CDH13: variants seen among roughly 807,000 people sequenced by gnomAD.
CDH13 encodes cadherin 13.
A neutral mutation model predicts 63.8 loss-of-function variants in CDH13; 24 were observed. That is an observed-to-expected ratio of 0.38 (90% CI 0.27 to 0.53). The LOEUF (loss-of-function observed/expected upper bound fraction) is 0.53. Ranked by LOEUF, CDH13 falls within the 20% of genes least tolerant of loss-of-function variation. The pLI, the probability that CDH13 is intolerant of heterozygous loss-of-function variation, is 0.85. For missense variants in CDH13, 1,049 were observed against 903.1 expected (o/e 1.16, Z -2.07); for synonymous variants, 503 against 355.3 (o/e 1.42, Z -4.67).
intron 3 of CDH13, among the ~76,000 whole-genome samples, chr16:83,118,252 C>G (rs2035402304): frequency 1.3e-5 from 2 of 152,158 alleles, no homozygotes; most frequent in Admixed American, 1.3e-4. Context: ...ACGTCTGTTC[C>G]TGTGACTGAG....
At chr16:82,795,729 C>T (rs35239453) in intron 1 of CDH13, among the ~76,000 whole-genome samples, 2 of 152,104 alleles carry the variant, frequency 1.3e-5, no homozygotes, top group African/African-American at 2.4e-5. Context: ...CAGCTCACTT[C>T]TGAGCTCTGG....
intron 2 of CDH13, among the ~76,000 whole-genome samples, chr16:82,996,068 T>A (rs770640570): frequency 1.5e-4 from 23 of 152,084 alleles, no homozygotes; most frequent in Non-Finnish European, 2.8e-4. Flanking sequence ...TTTACAAGAT[T>A]AAAAGGCTTA....
chr16:82,628,563 G>T (rs1010561097), intron 1 of CDH13, among the ~76,000 whole-genome samples: 6 of 152,152 alleles, frequency 3.9e-5, no homozygotes, highest in African/African-American at 1.2e-4. Flanking sequence ...TGCTGAGCCC[G>T]CTCCCAAGCT....
At chr16:83,744,680 G>A (rs1912402927) in intron 10 of CDH13, among the ~76,000 whole-genome samples, 1 of 152,106 alleles carries the variant, frequency 6.6e-6, no homozygotes, top group Non-Finnish European at 1.5e-5. Context: ...CCCATAGCCT[G>A]ACTCTGCAAC....
intron 3 of CDH13, among the ~76,000 whole-genome samples, chr16:83,058,828 A>G (rs1317202994): frequency 6.6e-6 from 1 of 152,228 alleles, no homozygotes; most frequent in Admixed American, 6.5e-5. Context: ...CCTCACAGAA[A>G]CTATCTGGTG....
intron 2 of CDH13, among the ~76,000 whole-genome samples, chr16:82,872,544 A>G (rs2040375237): frequency 6.6e-6 from 1 of 152,242 alleles, no homozygotes; most frequent in African/African-American, 2.4e-5. Context: ...ATAGCTTTAA[A>G]TAGGCTGAGA....
At chr16:82,998,706 T>C (rs1244305501) in intron 2 of CDH13, among the ~76,000 whole-genome samples, 1 of 152,156 alleles carries the variant, frequency 6.6e-6, no homozygotes, top group Non-Finnish European at 1.5e-5. Context: ...CAGTTATTCA[T>C]AAATGGATTT....
chr16:82,630,851 C>T (rs1907922608), intron 1 of CDH13, among the ~76,000 whole-genome samples: 1 of 152,164 alleles, frequency 6.6e-6, no homozygotes, highest in Non-Finnish European at 1.5e-5. Flanking sequence ...TGAGTGTGTA[C>T]ATCTCTGCAT....
chr16:83,253,082 A>G (rs1387857761), intron 5 of CDH13, among the ~76,000 whole-genome samples: 1 of 152,184 alleles, frequency 6.6e-6, no homozygotes, highest in Non-Finnish European at 1.5e-5. Flanking sequence ...AATAGTGGAG[A>G]TTGTAACTCT....
At chr16:83,670,581 A>G (rs936433508) in intron 8 of CDH13, among the ~76,000 whole-genome samples, 4 of 152,216 alleles carry the variant, frequency 2.6e-5, no homozygotes, top group African/African-American at 9.6e-5. Flanking sequence ...ATTGCTGCCC[A>G]CATTCTGCAG....
intron 5 of CDH13, among the ~76,000 whole-genome samples, chr16:83,271,983 C>T (rs374045611): frequency 3.5e-4 from 54 of 152,290 alleles, no homozygotes; most frequent in Middle Eastern, 3.4e-3. Context: ...TGGTAATAAA[C>T]ATTTGTCTTG....
intron 4 of CDH13, among the ~76,000 whole-genome samples, chr16:83,141,215 C>T: frequency 6.6e-6 from 1 of 152,168 alleles, no homozygotes; most frequent in East Asian, 1.9e-4. Flanking sequence ...ATAGATAAGA[C>T]ACAAAATGAT....
intron 10 of CDH13, among the ~76,000 whole-genome samples, chr16:83,727,041 G>A (rs1434333732): frequency 6.6e-6 from 1 of 152,058 alleles, no homozygotes; most frequent in Non-Finnish European, 1.5e-5. Context: ...TTCACATACC[G>A]TACAATTCAC....
chr16:82,956,736 G>C (rs959109049), intron 2 of CDH13, among the ~76,000 whole-genome samples: 1 of 152,162 alleles, frequency 6.6e-6, no homozygotes, highest in Non-Finnish European at 1.5e-5. Flanking sequence ...GAATGTGCCA[G>C]GTTCTTTCAC....
intron 2 of CDH13, among the ~76,000 whole-genome samples, chr16:82,947,555 A>C (rs1183865917): frequency 3.3e-5 from 5 of 152,202 alleles, no homozygotes; most frequent in Non-Finnish European, 4.4e-5. Flanking sequence ...ATTAATAAGA[A>C]TGGTACAAAA....
At chr16:83,786,474 C>T (rs934561609) in intron 13 of CDH13, among the ~76,000 whole-genome samples, 6 of 152,096 alleles carry the variant, frequency 3.9e-5, no homozygotes, top group African/African-American at 7.2e-5. Flanking sequence ...AATGAATGGA[C>T]GCATGGACAG....
chr16:83,721,579 C>G (rs966741966), intron 10 of CDH13: 7 of 152,192 alleles, frequency 4.6e-5, no homozygotes, highest in African/African-American at 1.7e-4. Flanking sequence ...GAGCAAGGGA[C>G]TCTTTGTGGC....
At chr16:83,706,791 C>T (rs1014283197) in intron 10 of CDH13, among the ~76,000 whole-genome samples, 1 of 152,190 alleles carries the variant, frequency 6.6e-6, no homozygotes, top group Non-Finnish European at 1.5e-5. Context: ...ATCTAGGTTC[C>T]TGGGATGAAT....
chr16:83,351,043 T>C (rs1263140797), intron 6 of CDH13, among the ~76,000 whole-genome samples: 2 of 152,208 alleles, frequency 1.3e-5, no homozygotes, highest in Non-Finnish European at 1.5e-5. Flanking sequence ...TAGTTGATAG[T>C]TGATATTTGA....
Sources: gnomAD v4.1 joint callset for allele counts (sites outside exome capture counted in the v4.1 genomes callset) on GRCh38, gnomAD v4.1.1 for gene constraint, MANE v1.5 for transcripts, NCBI Gene and HGNC (gene_info 2026-07-23, HGNC 2026-07-21) for gene names.